The following SHISA9 variants were observed in gnomAD, a reference collection of about 807,000 sequenced individuals.
SHISA9 encodes the protein protein shisa-9.
SHISA9 carries 13 observed loss-of-function variants against 38.0 expected under a neutral mutation model. The observed-to-expected ratio is 0.34, with a 90% CI of 0.22 to 0.54. SHISA9 has a LOEUF of 0.54. SHISA9 is among the 20% of genes least tolerant of loss of function. The probability of loss-of-function intolerance (pLI) is 0.91; values close to 1 mark genes in which losing one functional copy is unlikely to be tolerated. For synonymous variants in SHISA9, 275 were observed against 242.0 expected, an observed-to-expected ratio of 1.14 and a Z score of -1.27; for missense variants, 538 against 575.8, an observed-to-expected ratio of 0.93 and a Z score of 0.67.
chr16:13,320,227 G>A, the SHISA9 span, among the ~76,000 whole-genome samples: 19 of 142,048 alleles, frequency 1.3e-4, no homozygotes, highest in South Asian at 3.7e-3. Context: ...GGAGGCAGAG[G>A]CTGCACGGAG....
intron 2 of SHISA9, among the ~76,000 whole-genome samples, chr16:13,032,185 C>A (rs1475985655): frequency 6.6e-6 from 1 of 152,070 alleles, no homozygotes; most frequent in Non-Finnish European, 1.5e-5. Flanking sequence ...GCCCCCACCC[C>A]CAAGAGAGGC....
intron 2 of SHISA9, among the ~76,000 whole-genome samples, chr16:13,163,425 G>T (rs1040222380): frequency 3.3e-5 from 5 of 151,956 alleles, no homozygotes; most frequent in African/African-American, 1.2e-4. Context: ...CTACAAAAAA[G>T]TGTGCTTGAA....
At chr16:12,931,335 G>A (rs1596535639) in intron 2 of SHISA9, among the ~76,000 whole-genome samples, 1 of 152,120 alleles carries the variant, frequency 6.6e-6, no homozygotes, top group South Asian at 2.1e-4. Flanking sequence ...TGTTACATGG[G>A]TATATTGTGT....
chr16:13,306,437 G>A, the SHISA9 span, among the ~76,000 whole-genome samples: 1 of 152,162 alleles, frequency 6.6e-6, no homozygotes, highest in African/African-American at 2.4e-5. Flanking sequence ...TATTTGATAG[G>A]AGAGAGAGGG....
the SHISA9 span, among the ~76,000 whole-genome samples, chr16:13,481,408 A>T: frequency 6.6e-6 from 1 of 152,150 alleles, no homozygotes; most frequent in Non-Finnish European, 1.5e-5. Context: ...GTTACAACGT[A>T]CTCCTTCCAT....
chr16:13,166,564 C>A (rs2050637823), intron 2 of SHISA9, among the ~76,000 whole-genome samples: 1 of 152,210 alleles, frequency 6.6e-6, no homozygotes, highest in African/African-American at 2.4e-5. Flanking sequence ...CTCAGTCTTA[C>A]CTGACACTAT....
intron 2 of SHISA9, among the ~76,000 whole-genome samples, chr16:13,086,159 C>T (rs1177851353): frequency 6.6e-6 from 1 of 151,724 alleles, no homozygotes; most frequent in Non-Finnish European, 1.5e-5. Flanking sequence ...AGATTGAGAC[C>T]ATCCTGGCCA....
chr16:13,443,172 C>G, the SHISA9 span, among the ~76,000 whole-genome samples: 1 of 152,164 alleles, frequency 6.6e-6, no homozygotes, highest in African/African-American at 2.4e-5. Flanking sequence ...TTTCAGGAAT[C>G]CAACTGTACC....
intron 2 of SHISA9, among the ~76,000 whole-genome samples, chr16:13,093,887 A>G (rs2073800125): frequency 6.6e-6 from 1 of 152,062 alleles, no homozygotes; most frequent in African/African-American, 2.4e-5. Context: ...GGCAGAAGGG[A>G]GGCACCATAG....
intron 2 of SHISA9, among the ~76,000 whole-genome samples, chr16:13,006,338 A>C (rs994481088): frequency 4.6e-5 from 7 of 152,112 alleles, no homozygotes; most frequent in Non-Finnish European, 1.0e-4. Context: ...GCAGCGGGGA[A>C]AGAGTCTAGA....
chr16:13,518,991 G>A, the SHISA9 span, among the ~76,000 whole-genome samples: 2 of 152,070 alleles, frequency 1.3e-5, no homozygotes, highest in African/African-American at 4.8e-5. Context: ...TGGGCTGATC[G>A]CCTCTCATTA....
intron 4 of SHISA9, among the ~76,000 whole-genome samples, chr16:13,225,886 T>C (rs1454738228): frequency 6.6e-6 from 1 of 152,206 alleles, no homozygotes; most frequent in Non-Finnish European, 1.5e-5. Context: ...TTAGGGTCAT[T>C]AGAAGGAAAG....
At chr16:13,061,886 G>A (rs276630) in intron 2 of SHISA9, among the ~76,000 whole-genome samples, 30,789 of 152,082 alleles carry the variant, frequency 0.2, 3,509 homozygotes, top group African/African-American at 0.31. Flanking sequence ...ATTGAATGGT[G>A]GGGGGAGGAG....
the SHISA9 span, among the ~76,000 whole-genome samples, chr16:13,420,163 T>A: frequency 7.3e-6 from 1 of 136,692 alleles, no homozygotes; most frequent in African/African-American, 2.8e-5. Context: ...GAAGAATTGC[T>A]TGAATCTGGA....
chr16:13,251,629 C>T, the SHISA9 span, among the ~76,000 whole-genome samples: 18 of 152,260 alleles, frequency 1.2e-4, no homozygotes, highest in East Asian at 1.9e-4. Flanking sequence ...CCCACTTGCC[C>T]ATATGGTGGT....
chr16:13,178,352 T>C lies in SHISA9; in HGVS notation c.692-25042T>C, dbSNP rs2050749460. Among the ~76,000 whole-genome samples the C allele has an allele frequency of 2.0e-5, 3 of 151,666 alleles. No homozygotes were observed. In the South Asian group the frequency reaches 6.3e-4, roughly 32 times the overall value. ...TTTTTTTTTTTTTTCTTTTCATCTGTTAAATTTTTAATGGGACTGAAAGAG... is the reference window on the plus strand; with the variant it reads ...TTTTTTTTTTTTTTCTTTTCATCTGCTAAATTTTTAATGGGACTGAAAGAG... On this transcript the variant is annotated intron_variant, in intron 2 of 4. Coordinates refer to ENST00000558583, the MANE Select transcript of SHISA9 (RefSeq NM_001145204.3).
At chr16:13,465,542 T>A in the SHISA9 span, among the ~76,000 whole-genome samples, 1 of 152,202 alleles carries the variant, frequency 6.6e-6, no homozygotes, top group Non-Finnish European at 1.5e-5. Flanking sequence ...TAAGGAGAAG[T>A]TGAACTGCAA....
the SHISA9 span, among the ~76,000 whole-genome samples, chr16:13,558,640 A>G: frequency 1.3e-5 from 2 of 152,224 alleles, no homozygotes; most frequent in Non-Finnish European, 2.9e-5. Context: ...CAACACATGT[A>G]TGTCCTTCTT....
the SHISA9 span, among the ~76,000 whole-genome samples, chr16:13,442,643 C>G: frequency 6.6e-6 from 1 of 152,084 alleles, no homozygotes; most frequent in African/African-American, 2.4e-5. Flanking sequence ...TAATATTGTA[C>G]TTCAGATTTT....
Sources: gnomAD v4.1 joint callset for allele counts (sites outside exome capture counted in the v4.1 genomes callset) on GRCh38, gnomAD v4.1.1 for gene constraint, MANE v1.5 for transcripts, NCBI Gene and HGNC (gene_info 2026-07-23, HGNC 2026-07-21) for gene names.